The following PBK variants were observed in gnomAD, a reference collection of about 807,000 sequenced individuals.
The protein encoded by PBK is lymphokine-activated killer T-cell-originated protein kinase.
In PBK, 22 loss-of-function variants were observed where a neutral mutation model predicts 33.5. The ratio of observed to expected loss-of-function variants is 0.66; its 90% CI spans 0.47 to 0.94. The LOEUF (loss-of-function observed/expected upper bound fraction) is 0.94, where lower values mean the gene tolerates loss of function less well. Ranked by LOEUF, PBK falls within the 40% of genes least tolerant of loss-of-function variation. The pLI is 0.00. For synonymous variants in PBK, 129 were observed against 123.8 expected, an observed-to-expected ratio of 1.04 and a Z score of -0.28; for missense variants, 376 against 383.4, an observed-to-expected ratio of 0.98 and a Z score of 0.16.
In PBK at chr8:27,810,470, A is replaced by T; in HGVS notation, c.804T>A (p.Asp268Glu). 6.2e-7 allele frequency: 1 copy of T among 1,603,136 alleles called. No homozygotes were observed. Among genetic ancestry groups the T allele is most frequent in the Non-Finnish European group, 8.5e-7 (1 of 1,173,612 alleles). Residue 268 changes from aspartate (D) to glutamate (E), a missense_variant, in exon 8 of 8, where the codon GAT becomes GAA. By Grantham distance (45) the Asp-to-Glu change is conservative. Transcript: ENST00000301905. ...TTCCCAACGCTGCATAGTATGCTTC[A>T]TCATCAAAATCACTTTCATCAAAAG... The part of the protein sequence containing the change: ...DKTFDESDFD[D>E]EAYYAALGTR...
Position 27,828,139 on chromosome 8 carries a change from A to G in PBK, c.118T>C (p.Phe40Leu). The change falls in exon 3 of 8, where the codon TTT (phenylalanine) becomes CTT (leucine). Residue 40 changes from phenylalanine to leucine, a missense_variant. Physicochemically the swap from Phe to Leu is conservative, Grantham distance 22. Transcript: ENST00000301905. ...PASPFMQKLGFGTGVNVYLMK... is the reference protein window; with the variant it reads ...PASPFMQKLGLGTGVNVYLMK... Reference sequence around the variant, plus strand: ...AGGTACACATTTACCCCAGTACCAAAGCCAAGCTTCTGCATAAACGGAGAG... The same window carrying G: ...AGGTACACATTTACCCCAGTACCAAGGCCAAGCTTCTGCATAAACGGAGAG... The G allele has an allele frequency of 6.3e-7, 1 of 1,587,234 alleles. No individual in the cohort carries two copies. The highest frequency in any genetic ancestry group is 8.6e-7 in the Non-Finnish European group (1 of 1,157,064).
intron 1 of PBK, among the ~76,000 whole-genome samples, chr8:27,836,553 G>A (rs1004526463): frequency 6.6e-6 from 1 of 151,904 alleles, no homozygotes; most frequent in Non-Finnish European, 1.5e-5. Context: ...AGAGAGAAGA[G>A]GGGTGAGCCC....
chr8:27,811,563 T>C (rs1391510807), intron 6 of PBK, among the ~76,000 whole-genome samples: 2 of 151,886 alleles, frequency 1.3e-5, no homozygotes, highest in African/African-American at 2.4e-5. Context: ...ATGATTGCTA[T>C]GTCAAGGAAA....
intron 4 of PBK, 113 bp from the exon 5 acceptor site, chr8:27,822,601 A>G: frequency 3.2e-6 from 2 of 634,516 alleles, no homozygotes. Context: ...ACAAATATAC[A>G]ATGAAACAGC....
intron 3 of PBK, among the ~76,000 whole-genome samples, chr8:27,827,648 A>G (rs968678047): frequency 1.3e-5 from 2 of 152,200 alleles, no homozygotes; most frequent in African/African-American, 4.8e-5. Context: ...AAAATCATGT[A>G]TTTACCCTTC....
chr8:27,811,039 A>G lies in PBK; in HGVS notation c.691T>C (p.Phe231Leu). The G allele has an allele frequency of 6.2e-7, 1 of 1,613,176 alleles. No homozygotes were observed. Among genetic ancestry groups the G allele is most frequent in the Non-Finnish European group, 8.5e-7 (1 of 1,179,110 alleles). Reference sequence around the variant, plus strand: ...TCCCACAAAGTAAGGCCAAAGGCAAATATGTCTGCCTTGTCAGTAATAACA... The same window carrying G: ...TCCCACAAAGTAAGGCCAAAGGCAAGTATGTCTGCCTTGTCAGTAATAACA... ...NGVITDKADI[F>L]AFGLTLWEMM... The change falls in exon 7 of 8, where the codon TTT (phenylalanine) becomes CTT (leucine). Residue 231 changes from phenylalanine to leucine, a missense_variant. Transcript: ENST00000301905.
chr8:27,813,034 G>A (rs532655292), intron 6 of PBK, among the ~76,000 whole-genome samples: 1 of 152,186 alleles, frequency 6.6e-6, no homozygotes, highest in Non-Finnish European at 1.5e-5. Context: ...TATGTTTATT[G>A]TGGCACTATT....
chr8:27,809,670 ATTG>A lies in PBK; in HGVS notation c.*632_*634del, dbSNP rs1384279110. 5 of 152,178 alleles carry A rather than the reference ATTG, an allele frequency of 3.3e-5. No individual in the cohort carries two copies. The highest frequency in any genetic ancestry group is 5.9e-5 in the Non-Finnish European group (4 of 68,012). The allele number at this position is 152,178 out of a possible 1,614,324, so 9.4% of individuals were successfully genotyped here. On this transcript the variant is annotated 3_prime_UTR_variant, in exon 8 of 8. Coordinates refer to ENST00000301905, the MANE Select transcript of PBK (RefSeq NM_018492.4). ...TTCTTTATCATCCTATTTGAGTTTT[ATTG>A]TTTTTACACAGCTGGGAAATGCTTA...
In PBK at chr8:27,810,538, C is replaced by T. The variant is rs557416121; in HGVS notation, c.773-37G>A. The T allele has an allele frequency of 1.1e-5, 14 of 1,305,684 alleles. No individual in the cohort carries two copies. The South Asian group carries it at 1.7e-4, about 16-fold the overall frequency. 80.9% of individuals were successfully genotyped at this position (1,305,684 alleles called of 1,614,324 possible). A position where few individuals can be genotyped will look rare whatever the true frequency, so the allele number is the denominator to read the frequency against. On this transcript the variant is annotated intron_variant, in intron 7 of 7. Transcript: ENST00000301905. Reference sequence around the variant, plus strand: ...TAGAGATTGAAACAATAAACAAAATCACTTTATGTCATGGAAAAGTTTAAT... The same window carrying T: ...TAGAGATTGAAACAATAAACAAAATTACTTTATGTCATGGAAAAGTTTAAT...
intron 1 of PBK, among the ~76,000 whole-genome samples, chr8:27,835,753 A>G (rs1319747967): frequency 1.3e-5 from 2 of 152,108 alleles, no homozygotes; most frequent in African/African-American, 4.8e-5. Context: ...GTTTCACCAT[A>G]TTGGTCAGGC....
chr8:27,819,040 G>C (rs1037711207), intron 6 of PBK, among the ~76,000 whole-genome samples: 1 of 152,040 alleles, frequency 6.6e-6, no homozygotes, highest in African/African-American at 2.4e-5. Flanking sequence ...ACTATTTCCT[G>C]ACTCTCATGT....
rs17057901 is a variant in PBK at position 27,811,070 on chromosome 8, C to T, written c.660G>A (p.Glu220=). The change falls in exon 7 of 8, where the codon GAG becomes GAA. Residue 220 remains glutamate, a synonymous_variant. Coordinates refer to ENST00000301905, the MANE Select transcript of PBK (RefSeq NM_018492.4). The stretch of plus-strand genomic sequence containing the variant: ...CTGCCTTGTCAGTAATAACACCATT[C>T]TCCTCCACAGCTTCTTTGGGTTTCC... The part of the protein sequence containing the change: ...EPWKPKEAVE[E]NGVITDKADI... 1.2e-6 allele frequency: 2 copies of T among 1,613,194 alleles called. No homozygotes were observed. Among genetic ancestry groups the T allele is most frequent in the Admixed American group, 1.7e-5 (1 of 60,014 alleles).
rs752440460 is a variant in PBK, at chr8:27,810,360, G to A, written c.914C>T (p.Pro305Leu). 6.2e-7 allele frequency: 1 copy of A among 1,612,550 alleles called. No homozygotes were observed. Among genetic ancestry groups the A allele is most frequent in the Non-Finnish European group, 8.5e-7 (1 of 1,178,658 alleles). The change falls in exon 8 of 8, where the codon CCT (proline) becomes CTT (leucine). Residue 305 changes from proline (P) to leucine (L), a missense_variant. Physicochemically the swap from Pro to Leu is moderately conservative, Grantham distance 98. Transcript: ENST00000301905. ...ELFSVCTNED[P>L]KDRPSAAHIV... The stretch of plus-strand genomic sequence containing the variant: ...GTGTGCAGCAGAAGGACGATCTTTA[G>A]GGTCTTCATTAGTGCATACAGAGAA...
At position 27,823,018 on chromosome 8, in the gene PBK, TAAAC is replaced by T. The variant is rs747622002; in HGVS notation, c.295+41_295+44del. ...AGAGAGCATATAAGCTGTTTCTGAA[TAAAC>T]AAAATAATATACCAGATACTGCTAC... On this transcript the variant is annotated intron_variant, in intron 4 of 7. Coordinates refer to ENST00000301905, the MANE Select transcript of PBK (RefSeq NM_018492.4). 422 of 1,324,728 alleles carry T rather than the reference TAAAC, an allele frequency of 3.2e-4. 2 individuals are homozygous for T. Among genetic ancestry groups the T allele is most frequent in the South Asian group, 6.3e-4 (50 of 79,896 alleles). The allele number at this position is 1,324,728 out of a possible 1,614,324, so 82.1% of individuals were successfully genotyped here.
chr8:27,820,606 C>T lies in PBK; in HGVS notation c.554G>A (p.Cys185Tyr), dbSNP rs1466392282. Residue 185 changes from cysteine to tyrosine, a missense_variant, in exon 6 of 8, where the codon TGT becomes TAT. By Grantham distance (194) the Cys-to-Tyr change is radical. Transcript: ENST00000301905. ...CAGTGGTAGAGAGACTCCTACATCA[C>T]AGATTTTAATTGTTTCAAAATCGCC... ...IKGDFETIKI[C>Y]DVGVSLPLDE... 2 of 1,575,144 alleles carry T rather than the reference C, an allele frequency of 1.3e-6. No individual in the cohort carries two copies. The highest frequency in any genetic ancestry group is 2.2e-5 in the South Asian group (2 of 88,902).
intron 6 of PBK, chr8:27,812,584 T>C (rs1805710449): frequency 2.1e-5 from 3 of 144,082 alleles, no homozygotes; most frequent in Admixed American, 7.1e-5. Flanking sequence ...GACAAAGGGC[T>C]AATATCCAGA....
intron 1 of PBK, among the ~76,000 whole-genome samples, chr8:27,836,957 T>G (rs1285850967): frequency 6.6e-6 from 1 of 152,224 alleles, no homozygotes; most frequent in Non-Finnish European, 1.5e-5. Context: ...TTTTGGCCAG[T>G]AGCCCAGACT....
At chr8:27,821,831 G>A (rs1805934888) in intron 5 of PBK, among the ~76,000 whole-genome samples, 1 of 152,170 alleles carries the variant, frequency 6.6e-6, no homozygotes, top group Non-Finnish European at 1.5e-5. Context: ...GGATGTTTTG[G>A]TCAATGATGG....
chr8:27,809,831 C>CT lies in PBK; in HGVS notation c.*473dup, dbSNP rs1434221277. 6.5e-6 allele frequency: 1 copy of CT among 153,542 alleles called. No homozygotes were observed. The highest frequency in any genetic ancestry group is 1.4e-5 in the Non-Finnish European group (1 of 69,056). The allele number at this position is 153,542 out of a possible 1,614,324, so 9.5% of individuals were successfully genotyped here. ...AGAGTCTGAAGTATCCAAGGAGCTA[C>CT]TCTTTTTGAGGCATATTCTCCTCAG... On this transcript the variant is annotated 3_prime_UTR_variant, in exon 8 of 8. Coordinates refer to ENST00000301905, the MANE Select transcript of PBK (RefSeq NM_018492.4).
Sources: gnomAD v4.1 joint callset for allele counts (sites outside exome capture counted in the v4.1 genomes callset) on GRCh38, gnomAD v4.1.1 for gene constraint, MANE v1.5 for transcripts, NCBI Gene and HGNC (gene_info 2026-07-23, HGNC 2026-07-21) for gene names.